RAB3GAP2: variants seen among roughly 807,000 people sequenced by gnomAD.
The protein encoded by RAB3GAP2 is RAB3 GTPase activating non-catalytic protein subunit 2.
Under a neutral mutation model 185.3 loss-of-function variants are expected in RAB3GAP2, and 87 were observed. That is an observed-to-expected ratio of 0.47 (90% CI 0.39 to 0.56). The LOEUF (loss-of-function observed/expected upper bound fraction) is 0.56. RAB3GAP2 is among the 20% of genes least tolerant of loss of function. RAB3GAP2 has a pLI of 0.00. For missense variants in RAB3GAP2, 1,492 were observed against 1,638.2 expected (o/e 0.91, Z 1.54); for synonymous variants, 554 against 576.1 (o/e 0.96, Z 0.55).
At chr1:220,260,802 C>T (rs1339734730) in intron 1 of RAB3GAP2, among the ~76,000 whole-genome samples, 3 of 152,152 alleles carry the variant, frequency 2.0e-5, no homozygotes, top group Admixed American at 6.5e-5. Context: ...TCCAATAGAA[C>T]TTTCTGTAAT....
Position 220,167,545 on chromosome 1 carries a change from G to A in RAB3GAP2, c.2937C>T (p.Phe979=). The A allele has an allele frequency of 6.2e-7, 1 of 1,614,132 alleles. No homozygotes were observed. Among genetic ancestry groups the A allele is most frequent in the Non-Finnish European group, 8.5e-7 (1 of 1,180,016 alleles). The change falls in exon 25 of 35, where the codon TTC becomes TTT. Residue 979 remains phenylalanine (F), a synonymous_variant. Coordinates refer to ENST00000358951, the MANE Select transcript of RAB3GAP2 (RefSeq NM_012414.4). ...CCATCTCCATCTCTGATACCTCAAGGAAACTTCTGTTAACACCTTCTTTGG... is the reference window on the plus strand; with the variant it reads ...CCATCTCCATCTCTGATACCTCAAGAAAACTTCTGTTAACACCTTCTTTGG... ...DEPKEGVNRS[F]LEVSEMEMDL... is the part of the protein sequence containing the mutation.
Position 220,270,388 on chromosome 1 carries a change from C to G in RAB3GAP2, c.115+1835G>C, listed in dbSNP as rs57481332. Among the ~76,000 whole-genome samples, 584 of 152,342 alleles carry G rather than the reference C, an allele frequency of 3.8e-3. 5 individuals carry two copies. Among genetic ancestry groups the G allele is most frequent in the African/African-American group, 0.014 (572 of 41,580 alleles). On this transcript the variant is annotated intron_variant, in intron 1 of 34. Coordinates refer to ENST00000358951, the MANE Select transcript of RAB3GAP2 (RefSeq NM_012414.4). The stretch of plus-strand genomic sequence containing the variant: ...AGCTCCCCAATTAACATCTCTGGCC[C>G]AGTACTCCCTACTGTTTAGACTATC...
At chr1:220,263,281 T>C (rs1660173705) in intron 1 of RAB3GAP2, among the ~76,000 whole-genome samples, 1 of 152,136 alleles carries the variant, frequency 6.6e-6, no homozygotes, top group Admixed American at 6.5e-5. Flanking sequence ...TGTCCTTTGA[T>C]GCACAAAGTT....
At chr1:220,202,804 G>A (rs1165009864) in intron 8 of RAB3GAP2, among the ~76,000 whole-genome samples, 1 of 152,134 alleles carries the variant, frequency 6.6e-6, no homozygotes, top group Admixed American at 6.5e-5. Context: ...TGAGCCAGGC[G>A]TGGTGGTACA....
At chr1:220,163,744 C>CATAT (rs373160821) in intron 27 of RAB3GAP2, among the ~76,000 whole-genome samples, 4,288 of 122,710 alleles carry the variant, frequency 0.035, 171 homozygotes, top group East Asian at 0.16. Context: ...TAAATACATA[C>CATAT]ATATATATAT....
At chr1:220,180,697 T>C (rs956676048) in intron 21 of RAB3GAP2, among the ~76,000 whole-genome samples, 2 of 152,172 alleles carry the variant, frequency 1.3e-5, no homozygotes, top group Non-Finnish European at 2.9e-5. Flanking sequence ...TTTCACAACA[T>C]TGGAGAGGAG....
At chr1:220,270,184 G>A (rs1660309171) in intron 1 of RAB3GAP2, among the ~76,000 whole-genome samples, 1 of 152,086 alleles carries the variant, frequency 6.6e-6, no homozygotes, top group African/African-American at 2.4e-5. Context: ...GCCTTCCTCA[G>A]CTCCGAGGGC....
At chr1:220,262,537 T>C (rs974302286) in intron 1 of RAB3GAP2, among the ~76,000 whole-genome samples, 3 of 152,258 alleles carry the variant, frequency 2.0e-5, no homozygotes, top group Admixed American at 1.3e-4. Context: ...ATGACTACTT[T>C]AGCTTCCTCA....
intron 1 of RAB3GAP2, chr1:220,266,671 C>G: frequency 2.0e-6 from 3 of 1,526,240 alleles, no homozygotes; most frequent in Middle Eastern, 2.3e-4. Context: ...ATACAGCAGC[C>G]CTGGCTCAAG....
At chr1:220,172,384 T>C (rs974288510) in intron 22 of RAB3GAP2, among the ~76,000 whole-genome samples, 1 of 152,110 alleles carries the variant, frequency 6.6e-6, no homozygotes, top group Admixed American at 6.6e-5. Context: ...ACCATTCCAT[T>C]TGCCTTACTG....
chr1:220,202,516 A>T, intron 8 of RAB3GAP2, 142 bp from the exon 9 acceptor site: 1 of 842,320 alleles, frequency 1.2e-6, no homozygotes, highest in Non-Finnish European at 1.9e-6. Context: ...GCATAAGGTG[A>T]GATTTATTCA....
intron 1 of RAB3GAP2, chr1:220,253,500 G>C: frequency 6.5e-7 from 1 of 1,535,268 alleles, no homozygotes; most frequent in South Asian, 1.2e-5. Context: ...CGCGGAGTTG[G>C]GTGGGGTAGA....
intron 26 of RAB3GAP2, among the ~76,000 whole-genome samples, chr1:220,165,028 T>C (rs1658038949): frequency 6.6e-6 from 1 of 151,926 alleles, no homozygotes; most frequent in Non-Finnish European, 1.5e-5. Context: ...TCATATGGGC[T>C]AACATCTGGA....
chr1:220,161,491 C>T (rs1177172740), intron 28 of RAB3GAP2, among the ~76,000 whole-genome samples: 1 of 152,180 alleles, frequency 6.6e-6, no homozygotes, highest in Non-Finnish European at 1.5e-5. Flanking sequence ...ATGCTAGCAG[C>T]TTCTGCTCCC....
rs572027376 is a variant in RAB3GAP2 at position 220,206,019 on chromosome 1, T to TA, written c.613-14dup. ...TCAACTCTTCATTCTATTTAAGAAA[T>TA]AAAAAAAAAAAGTTCTTGAATAGAT... On this transcript the variant is annotated splice_polypyrimidine_tract_variant and intron_variant, in intron 7 of 34. Coordinates refer to ENST00000358951, the MANE Select transcript of RAB3GAP2 (RefSeq NM_012414.4). 0.02 allele frequency: 23,375 copies of TA among 1,160,856 alleles called. 3 individuals carry two copies. Among genetic ancestry groups the TA allele is most frequent in the South Asian group, 0.025 (1,468 of 57,690 alleles). 71.9% of individuals were successfully genotyped at this position (1,160,856 alleles called of 1,614,324 possible). A position where few individuals can be genotyped will look rare whatever the true frequency, so the allele number is the denominator to read the frequency against.
chr1:220,184,015 A>G (rs750823569), intron 19 of RAB3GAP2, 21 bp downstream of exon 19: 1 of 1,470,024 alleles, frequency 6.8e-7, no homozygotes, highest in Admixed American at 1.9e-5. Flanking sequence ...TTTATATAAT[A>G]TAAAATGTGG....
chr1:220,267,391 T>G, intron 1 of RAB3GAP2: 1 of 1,260,172 alleles, frequency 7.9e-7, no homozygotes, highest in Non-Finnish European at 1.2e-6. Flanking sequence ...TCTGAGTTGA[T>G]GCTCCACTCC....
chr1:220,168,079 A>G (rs1410633993), intron 24 of RAB3GAP2, among the ~76,000 whole-genome samples: 1 of 152,122 alleles, frequency 6.6e-6, no homozygotes, highest in Admixed American at 6.6e-5. Flanking sequence ...CCTAAGGCCA[A>G]TATAATATTA....
At chr1:220,151,488 G>A (rs1395378627) in intron 34 of RAB3GAP2, 82 bp from the exon 35 acceptor site, 1 of 1,600,540 alleles carries the variant, frequency 6.2e-7, no homozygotes, top group East Asian at 2.2e-5. Flanking sequence ...ACATAAAAAT[G>A]CTTTTCTTTG....
Sources: allele counts gnomAD v4.1 joint callset (sites outside exome capture counted in the v4.1 genomes callset), GRCh38; gene constraint gnomAD v4.1.1; transcripts MANE v1.5; gene names NCBI Gene and HGNC (gene_info 2026-07-23, HGNC 2026-07-21).